Variants in PLCXD3 observed in about 807,000 individuals in gnomAD.
PLCXD3 encodes the protein PI-PLC X domain-containing protein 3.
A neutral mutation model predicts 25.5 loss-of-function variants in PLCXD3; 19 were observed. The ratio of observed to expected loss-of-function variants is 0.75; its 90% CI spans 0.52 to 1.09. The LOEUF is 1.09. Among genes scored for constraint, PLCXD3 ranks in the 50% least tolerant of loss-of-function variants. The pLI, the probability that PLCXD3 is intolerant of heterozygous loss-of-function variation, is 0.00. For synonymous variants in PLCXD3, 174 were observed against 137.6 expected, an observed-to-expected ratio of 1.26 and a Z score of -1.85; for missense variants, 411 against 388.1, an observed-to-expected ratio of 1.06 and a Z score of -0.50.
intron 1 of PLCXD3, among the ~76,000 whole-genome samples, chr5:41,435,623 G>A (rs1747230257): frequency 6.6e-6 from 1 of 152,162 alleles, no homozygotes; most frequent in Admixed American, 6.5e-5. Flanking sequence ...GGTAAGAATG[G>A]GGGTAGTGGA....
intron 1 of PLCXD3, among the ~76,000 whole-genome samples, chr5:41,435,499 GTGGTGCACAGTGCAC>G (rs1483874006): frequency 1.3e-5 from 2 of 152,212 alleles, no homozygotes; most frequent in African/African-American, 4.8e-5. Flanking sequence ...GCAGAGGCAT[GTGGTGCACAGTGCAC>G]TGGGCTAGAT....
At chr5:41,492,088 A>G (rs1748711942) in intron 1 of PLCXD3, among the ~76,000 whole-genome samples, 1 of 152,092 alleles carries the variant, frequency 6.6e-6, no homozygotes, top group Admixed American at 6.5e-5. Flanking sequence ...GTTCCTTTCC[A>G]TGTTTAGTGC....
intron 2 of PLCXD3, among the ~76,000 whole-genome samples, chr5:41,349,080 T>C (rs1334743006): frequency 6.6e-6 from 1 of 152,218 alleles, no homozygotes; most frequent in Non-Finnish European, 1.5e-5. Context: ...CTACAGATAC[T>C]GACAGTGCAA....
intron 2 of PLCXD3, among the ~76,000 whole-genome samples, chr5:41,362,888 T>C (rs189984262): frequency 7.9e-5 from 12 of 152,348 alleles, no homozygotes; most frequent in Non-Finnish European, 1.5e-4. Flanking sequence ...CAACAGTTAG[T>C]GTTCATGAAT....
In PLCXD3 at chr5:41,435,939, T is replaced by C. The variant is rs1747239221; in HGVS notation, c.104-53405A>G. On this transcript the variant is annotated intron_variant, in intron 1 of 2. Transcript: ENST00000377801. ...AAGTCACTCTATACCACCTACTGAA[T>C]AGTGCCTCTGCACCTGCCAGCCTGG... Among the ~76,000 whole-genome samples the C allele has an allele frequency of 2.0e-5, 3 of 152,154 alleles. No individual in the cohort carries two copies. The South Asian group carries it at 6.2e-4, about 32-fold the overall frequency.
chr5:41,489,316 T>C (rs1748596725), intron 1 of PLCXD3, among the ~76,000 whole-genome samples: 1 of 152,322 alleles, frequency 6.6e-6, no homozygotes, highest in Middle Eastern at 3.4e-3. Context: ...AGTACCATGC[T>C]GTTTTGGTTA....
At chr5:41,479,130 A>G (rs778965797) in intron 1 of PLCXD3, among the ~76,000 whole-genome samples, 1 of 152,222 alleles carries the variant, frequency 6.6e-6, no homozygotes, top group Non-Finnish European at 1.5e-5. Context: ...GTATATTCAT[A>G]TAATACTATA....
chr5:41,451,377 G>A lies in PLCXD3; in HGVS notation c.103+59047C>T, dbSNP rs558114981. 3.3e-5 allele frequency among the ~76,000 whole-genome samples: 5 copies of A among 152,118 alleles called. No homozygotes were observed. The South Asian group carries it at 8.3e-4, about 25-fold the overall frequency. On this transcript the variant is annotated intron_variant, in intron 1 of 2. Coordinates refer to ENST00000377801, the MANE Select transcript of PLCXD3 (RefSeq NM_001005473.3). Reference sequence around the variant, plus strand: ...ATTTTAAAAGATCTCTGCTTGAGGAGGGAGATGGGATTCTATTTACAATTC... The same window carrying A: ...ATTTTAAAAGATCTCTGCTTGAGGAAGGAGATGGGATTCTATTTACAATTC...
intron 2 of PLCXD3, among the ~76,000 whole-genome samples, chr5:41,371,052 A>C (rs1275793021): frequency 6.6e-6 from 1 of 152,126 alleles, no homozygotes; most frequent in Non-Finnish European, 1.5e-5. Context: ...ATATAGCCTA[A>C]TTTGAAGAGT....
intron 1 of PLCXD3, among the ~76,000 whole-genome samples, chr5:41,449,367 C>T (rs1247776768): frequency 2.0e-5 from 3 of 152,168 alleles, no homozygotes; most frequent in Non-Finnish European, 4.4e-5. Flanking sequence ...AGAGCATAGT[C>T]AGTGGTCAAA....
chr5:41,417,182 T>C (rs1426579981), intron 1 of PLCXD3, among the ~76,000 whole-genome samples: 1 of 152,198 alleles, frequency 6.6e-6, no homozygotes, highest in Non-Finnish European at 1.5e-5. Flanking sequence ...TGACACTTAT[T>C]ACTATTACCC....
chr5:41,333,678 T>C (rs1743898109), intron 2 of PLCXD3, among the ~76,000 whole-genome samples: 1 of 151,766 alleles, frequency 6.6e-6, no homozygotes, highest in Non-Finnish European at 1.5e-5. Context: ...TTAAGTCATA[T>C]GAATTATCTG....
intron 2 of PLCXD3, among the ~76,000 whole-genome samples, chr5:41,368,832 A>G (rs1244792177): frequency 6.6e-6 from 1 of 152,204 alleles, no homozygotes; most frequent in Non-Finnish European, 1.5e-5. Context: ...TCACATAAAC[A>G]TTTTCAATCT....
intron 1 of PLCXD3, among the ~76,000 whole-genome samples, chr5:41,502,125 C>T (rs943805442): frequency 6.6e-6 from 1 of 151,942 alleles, no homozygotes; most frequent in African/African-American, 2.4e-5. Context: ...CAAAAGTAAG[C>T]TTTGAACAGA....
chr5:41,467,883 G>A (rs1011414025), intron 1 of PLCXD3, among the ~76,000 whole-genome samples: 1 of 152,036 alleles, frequency 6.6e-6, no homozygotes, highest in Non-Finnish European at 1.5e-5. Flanking sequence ...CATGGGTTAG[G>A]ACCTTGGTTT....
intron 1 of PLCXD3, among the ~76,000 whole-genome samples, chr5:41,501,671 T>C (rs1748953554): frequency 6.6e-6 from 1 of 152,058 alleles, no homozygotes; most frequent in African/African-American, 2.4e-5. Flanking sequence ...AATTTTAAGA[T>C]AGTAAATTTC....
At position 41,374,843 on chromosome 5, in the gene PLCXD3, G is replaced by C. The variant is rs180721120; in HGVS notation, c.812+6983C>G. ...CTGTCTTGGGACATGGCCTAGGGTGGAAGGGTGGGGCTGGAAAGCTTCTCT... is the reference window on the plus strand; with the variant it reads ...CTGTCTTGGGACATGGCCTAGGGTGCAAGGGTGGGGCTGGAAAGCTTCTCT... On this transcript the variant is annotated intron_variant, in intron 2 of 2. Transcript: ENST00000377801. Among the ~76,000 whole-genome samples the C allele has an allele frequency of 4.0e-3, 604 of 152,192 alleles. 5 individuals carry two copies. Among genetic ancestry groups the C allele is most frequent in the Middle Eastern group, 0.014 (4 of 294 alleles).
In PLCXD3 at chr5:41,479,368, G is replaced by A. The variant is rs929757097; in HGVS notation, c.103+31056C>T. ...GAGGAGTTAGTGTTTGATTGGTATA[G>A]AGTTTTAGTTGAGGAAGATGAAAAA... On this transcript the variant is annotated intron_variant, in intron 1 of 2. Coordinates refer to ENST00000377801, the MANE Select transcript of PLCXD3 (RefSeq NM_001005473.3). 2.0e-5 allele frequency among the ~76,000 whole-genome samples: 3 copies of A among 152,134 alleles called. No homozygotes were observed. In the South Asian group the frequency reaches 6.2e-4, roughly 32 times the overall value.
intron 2 of PLCXD3, among the ~76,000 whole-genome samples, chr5:41,331,795 T>C (rs1047184798): frequency 2.6e-5 from 4 of 152,062 alleles, no homozygotes; most frequent in African/African-American, 9.7e-5. Context: ...GCCACATATC[T>C]ACAACTATCT....
Sources: allele counts gnomAD v4.1 joint callset (sites outside exome capture counted in the v4.1 genomes callset), GRCh38; gene constraint gnomAD v4.1.1; transcripts MANE v1.5; gene names NCBI Gene and HGNC (gene_info 2026-07-23, HGNC 2026-07-21).